The following PIBF1 variants were observed in gnomAD, a reference collection of about 807,000 sequenced individuals.
PIBF1 encodes the protein progesterone-induced-blocking factor 1.
PIBF1 carries 90 observed loss-of-function variants against 112.5 expected under a neutral mutation model. The ratio of observed to expected loss-of-function variants is 0.80; its 90% confidence interval spans 0.67 to 0.95. The LOEUF is 0.95. PIBF1 is among the 40% of genes least tolerant of loss of function. The probability of loss-of-function intolerance (pLI) is 0.00; values close to 1 mark genes in which losing one functional copy is unlikely to be tolerated. For synonymous variants in PIBF1, 301 were observed against 288.6 expected (o/e 1.04, Z -0.44); for missense variants, 915 against 852.3 (o/e 1.07, Z -0.92).
At chr13:72,870,878 T>G (rs2039133395) in intron 10 of PIBF1, among the ~76,000 whole-genome samples, 1 of 150,356 alleles carries the variant, frequency 6.7e-6, no homozygotes, top group Non-Finnish European at 1.5e-5. Context: ...AGTGTACAAG[T>G]AGATAGGAGA....
chr13:72,961,784 G>C (rs1397241047), intron 14 of PIBF1, among the ~76,000 whole-genome samples: 1 of 151,846 alleles, frequency 6.6e-6, no homozygotes, highest in African/African-American at 2.4e-5. Context: ...GCTTTATTTA[G>C]TTTTGTAGTG....
chr13:72,846,857 C>T (rs1000636847), intron 9 of PIBF1, among the ~76,000 whole-genome samples: 2 of 152,136 alleles, frequency 1.3e-5, no homozygotes, highest in African/African-American at 4.8e-5. Context: ...ATGTATCGTT[C>T]AGTCCTGGAC....
chr13:73,013,300 CAAA>C (rs869055620), intron 17 of PIBF1, among the ~76,000 whole-genome samples: 26 of 14,666 alleles, frequency 1.8e-3, no homozygotes, highest in Admixed American at 5.6e-3. Flanking sequence ...GACTCTGTCT[CAAA>C]AAAAAAAAAA....
Position 72,996,812 on chromosome 13 carries a change from CA to C in PIBF1, c.2050-2009del, listed in dbSNP as rs554605216. On this transcript the variant is annotated intron_variant, in intron 16 of 17. Coordinates refer to ENST00000326291, the MANE Select transcript of PIBF1 (RefSeq NM_006346.4). ...TGGAATTTTCTTGGTTCAAATTTAC[CA>C]TCGATATAAGTTGGATCATTATATA... Among the ~76,000 whole-genome samples, 1,051 of 151,882 alleles carry C rather than the reference CA, an allele frequency of 6.9e-3. 15 individuals are homozygous for C. The highest frequency in any genetic ancestry group is 0.024 in the African/African-American group (1,014 of 41,432).
chr13:72,887,153 G>T (rs1206556516), intron 10 of PIBF1, among the ~76,000 whole-genome samples: 3 of 149,982 alleles, frequency 2.0e-5, no homozygotes, highest in Admixed American at 6.7e-5. Flanking sequence ...TTTTGATTCA[G>T]TATCCAGGTA....
At chr13:72,984,458 A>G (rs111385421) in intron 16 of PIBF1, among the ~76,000 whole-genome samples, 1 of 152,172 alleles carries the variant, frequency 6.6e-6, no homozygotes, top group African/African-American at 2.4e-5. Flanking sequence ...CAAAATACAT[A>G]CTTTTCAGTA....
At chr13:72,871,324 G>A (rs370578756) in intron 10 of PIBF1, among the ~76,000 whole-genome samples, 1 of 151,942 alleles carries the variant, frequency 6.6e-6, no homozygotes, top group East Asian at 1.9e-4. Flanking sequence ...TCTCTCTTTT[G>A]AGATGGAGTC....
At chr13:72,803,347 C>T (rs77134713) in intron 5 of PIBF1, among the ~76,000 whole-genome samples, 2,452 of 151,174 alleles carry the variant, frequency 0.016, 67 homozygotes, top group African/African-American at 0.057. Context: ...TTGTCGACAA[C>T]GGTAGAAGGA....
At chr13:72,965,547 T>G in intron 15 of PIBF1, 143 bp downstream of exon 15, 1 of 634,832 alleles carries the variant, frequency 1.6e-6, no homozygotes, top group Non-Finnish European at 2.6e-6. Flanking sequence ...AAACTTTTCT[T>G]AGAAAAACTA....
intron 14 of PIBF1, among the ~76,000 whole-genome samples, chr13:72,937,772 G>A (rs1304057237): frequency 3.9e-5 from 6 of 152,006 alleles, no homozygotes; most frequent in South Asian, 2.1e-4. Context: ...CCGAGATCGC[G>A]CCACTTCACT....
chr13:72,843,878 C>T (rs2037721926), intron 9 of PIBF1, among the ~76,000 whole-genome samples: 1 of 152,184 alleles, frequency 6.6e-6, no homozygotes, highest in East Asian at 1.9e-4. Flanking sequence ...GCCCCTCCAA[C>T]AGTCTTCTCT....
intron 10 of PIBF1, among the ~76,000 whole-genome samples, chr13:72,878,869 T>C (rs1278420911): frequency 6.6e-6 from 1 of 152,192 alleles, no homozygotes; most frequent in Non-Finnish European, 1.5e-5. Flanking sequence ...TGCCCCTCTT[T>C]ATCCTTGATA....
intron 16 of PIBF1, among the ~76,000 whole-genome samples, chr13:72,983,676 A>T (rs1001048700): frequency 6.6e-6 from 1 of 152,198 alleles, no homozygotes; most frequent in African/African-American, 2.4e-5. Flanking sequence ...TTTCAGGGAC[A>T]TTTCAGCATC....
chr13:72,913,068 TTTA>T (rs1566439962), intron 12 of PIBF1, among the ~76,000 whole-genome samples: 1 of 151,812 alleles, frequency 6.6e-6, no homozygotes, highest in East Asian at 1.9e-4. Flanking sequence ...AATTTTTTTT[TTTA>T]TTTTTAAAAA....
At chr13:72,988,155 C>G (rs1338898732) in intron 16 of PIBF1, among the ~76,000 whole-genome samples, 1 of 152,024 alleles carries the variant, frequency 6.6e-6, no homozygotes, top group Admixed American at 6.6e-5. Context: ...GCCACCGCAC[C>G]TGGCCCTTCT....
At chr13:72,877,387 T>A (rs960564853) in intron 10 of PIBF1, among the ~76,000 whole-genome samples, 1 of 152,218 alleles carries the variant, frequency 6.6e-6, no homozygotes, top group Non-Finnish European at 1.5e-5. Flanking sequence ...TGAGTGATGC[T>A]GGCCTCATAT....
chr13:72,971,821 T>C (rs897616103), intron 15 of PIBF1, among the ~76,000 whole-genome samples: 35 of 152,150 alleles, frequency 2.3e-4, no homozygotes, highest in African/African-American at 8.0e-4. Flanking sequence ...AAATTGCATC[T>C]AGTCCGTCTC....
At chr13:72,939,692 C>T (rs779832743) in intron 14 of PIBF1, among the ~76,000 whole-genome samples, 12 of 152,030 alleles carry the variant, frequency 7.9e-5, no homozygotes, top group Admixed American at 3.3e-4. Context: ...GCTATGAACA[C>T]GCAAATACAA....
intron 10 of PIBF1, among the ~76,000 whole-genome samples, chr13:72,858,145 G>C (rs537923455): frequency 6.6e-6 from 1 of 151,828 alleles, no homozygotes. Flanking sequence ...TCTGCCTCCC[G>C]GGTTCAAGTG....
Sources: gnomAD v4.1 joint callset for allele counts (sites outside exome capture counted in the v4.1 genomes callset) on GRCh38, gnomAD v4.1.1 for gene constraint, MANE v1.5 for transcripts, NCBI Gene and HGNC (gene_info 2026-07-23, HGNC 2026-07-21) for gene names.